The following DSTYK variants were observed in gnomAD, a reference collection of about 807,000 sequenced individuals.
The protein encoded by DSTYK is dual serine/threonine and tyrosine protein kinase, also known as RIP-homologous kinase.
In DSTYK, 34 loss-of-function variants were observed where a neutral mutation model predicts 98.7. That is an observed-to-expected ratio of 0.34 (90% CI 0.26 to 0.46). The LOEUF (loss-of-function observed/expected upper bound fraction) is 0.46. Ranked by LOEUF, DSTYK falls within the 20% of genes least tolerant of loss-of-function variation. The pLI is 1.00. For synonymous variants in DSTYK, 462 were observed against 457.3 expected (o/e 1.01, Z -0.13); for missense variants, 962 against 1,181.7 (o/e 0.81, Z 2.73).
chr1:205,202,153 G>A, intron 1 of DSTYK: 1 of 537,000 alleles, frequency 1.9e-6, no homozygotes, highest in South Asian at 1.4e-5. Flanking sequence ...AAGGGGAAGG[G>A]GCTTCTTCCC....
chr1:205,181,656 TTGTGTGTGTGTGTGTGTGTG>T (rs35775611), intron 2 of DSTYK, among the ~76,000 whole-genome samples: 1 of 142,544 alleles, frequency 7.0e-6, no homozygotes, highest in African/African-American at 2.7e-5. Context: ...ATGTTGGGGT[TTGTGTGTGTGTGTGTGTGTG>T]TGTGTGTGTG....
Position 205,169,119 on chromosome 1 carries a change from G to C in DSTYK, c.1324+44C>G. 1 of 1,481,878 alleles carries C rather than the reference G, an allele frequency of 6.7e-7. No homozygotes were observed. The allele number at this position is 1,481,878 out of a possible 1,614,324, so 91.8% of individuals were successfully genotyped here. On this transcript the variant is annotated intron_variant, in intron 3 of 12. Transcript: ENST00000367162. This position sits in a 1 kb window ranked among gnomAD's most constrained non-coding sequence, Gnocchi z 4.0. ...AATTTCCGGCTAGAAAATGGTTAGA[G>C]ACTCCTCCCGTGCCAGCACCCCAAC...
At chr1:205,183,258 G>C (rs577697784) in intron 2 of DSTYK, among the ~76,000 whole-genome samples, 1 of 152,300 alleles carries the variant, frequency 6.6e-6, no homozygotes, top group Admixed American at 6.5e-5. Flanking sequence ...GACACAACTA[G>C]TGAATATGGT....
Position 205,211,635 on chromosome 1 carries a change from C to CT in DSTYK, c.-101dup. 2 of 1,381,830 alleles carry CT rather than the reference C, an allele frequency of 1.4e-6. No homozygotes were observed. Among genetic ancestry groups the CT allele is most frequent in the Non-Finnish European group, 1.9e-6 (2 of 1,068,280 alleles). The allele number at this position is 1,381,830 out of a possible 1,614,324, so 85.6% of individuals were successfully genotyped here. ...GCCGAAGGGAGGAGGAATCCGCCTC[C>CT]TGACGCCCCCGCCTGCAGTCAGCCT... On this transcript the variant is annotated 5_prime_UTR_variant, in exon 1 of 13. Transcript: ENST00000367162.
In DSTYK at chr1:205,146,502, G is replaced by A. The variant is rs976889087; in HGVS notation, c.*1056C>T. 6.6e-6 allele frequency: 1 copy of A among 151,818 alleles called. No individual in the cohort carries two copies. The highest frequency in any genetic ancestry group is 1.5e-5 in the Non-Finnish European group (1 of 68,000). The allele number at this position is 151,818 out of a possible 1,614,324, so 9.4% of individuals were successfully genotyped here. A position where few individuals can be genotyped will look rare whatever the true frequency, so the allele number is the denominator to read the frequency against. ...TAAATCCAATAACTCCTGTGTGTAT[G>A]TCTATATAGATAGAGATATAGACAC... On this transcript the variant is annotated 3_prime_UTR_variant, in exon 13 of 13. Transcript: ENST00000367162.
In DSTYK at chr1:205,163,738, A is replaced by G. The variant is rs146330673; in HGVS notation, c.1542T>C (p.Ser514=). Residue 514 remains serine, a synonymous_variant, in exon 4 of 13, where the codon AGT becomes AGC. Transcript: ENST00000367162. ...CTTTGTCTACCTGTTTGAGATAATT[A>G]CTGGTGATGTGAACTGAGACATCCT... ...KSQDVSVHIT[S]NYLKQILNAA... The G allele has an allele frequency of 4.6e-4, 741 of 1,613,754 alleles. 6 individuals carry two copies. The East Asian group carries it at 0.011, about 24-fold the overall frequency.
intron 10 of DSTYK, among the ~76,000 whole-genome samples, chr1:205,156,978 T>C (rs1262115130): frequency 1.3e-5 from 2 of 152,164 alleles, no homozygotes; most frequent in Non-Finnish European, 2.9e-5. Context: ...TTACCCCCTT[T>C]TGTTCAGTAC....
chr1:205,163,011 AAG>A lies in DSTYK; in HGVS notation c.1558-7_1558-6del, dbSNP rs1180475487. ...ATGATAGGCAGCATTTAAGATCTGA[AAG>A]AGACAACGCCAAAGAAAACATGTCC... On this transcript the variant is annotated splice_region_variant and splice_polypyrimidine_tract_variant and intron_variant, in intron 4 of 12. Coordinates refer to ENST00000367162, the MANE Select transcript of DSTYK (RefSeq NM_015375.3). 6.2e-7 allele frequency: 1 copy of A among 1,613,162 alleles called. No individual in the cohort carries two copies. Among genetic ancestry groups the A allele is most frequent in the Admixed American group, 1.7e-5 (1 of 60,000 alleles).
chr1:205,199,208 G>A (rs1375984411), intron 1 of DSTYK, among the ~76,000 whole-genome samples: 1 of 152,100 alleles, frequency 6.6e-6, no homozygotes, highest in Non-Finnish European at 1.5e-5. Flanking sequence ...TTATAATAAA[G>A]CCCAACTCCA....
intron 2 of DSTYK, among the ~76,000 whole-genome samples, chr1:205,186,504 G>C (rs927698316): frequency 2.0e-5 from 3 of 152,134 alleles, no homozygotes; most frequent in Admixed American, 6.5e-5. Context: ...TAGATGAAGT[G>C]GTTATAAGAA....
At chr1:205,197,069 A>C (rs1658889182) in intron 1 of DSTYK, among the ~76,000 whole-genome samples, 1 of 151,828 alleles carries the variant, frequency 6.6e-6, no homozygotes, top group Non-Finnish European at 1.5e-5. Flanking sequence ...CTGGCCCTAA[A>C]ACTGGTGAAT....
At chr1:205,200,977 C>A (rs1427016658) in intron 1 of DSTYK, among the ~76,000 whole-genome samples, 2 of 151,940 alleles carry the variant, frequency 1.3e-5, no homozygotes, top group Non-Finnish European at 2.9e-5. Flanking sequence ...GCAATCTTGG[C>A]TCACTGCAAC....
chr1:205,166,370 C>A (rs559574163), intron 3 of DSTYK, among the ~76,000 whole-genome samples: 1 of 151,730 alleles, frequency 6.6e-6, no homozygotes, highest in Admixed American at 6.6e-5. Context: ...TCTGGCTCAA[C>A]GCTGGGCACG....
At chr1:205,184,583 C>T (rs1038920520) in intron 2 of DSTYK, among the ~76,000 whole-genome samples, 1 of 151,918 alleles carries the variant, frequency 6.6e-6, no homozygotes, top group Non-Finnish European at 1.5e-5. Context: ...AAAACACAAA[C>T]AAACAAAAAA....
chr1:205,172,339 G>C (rs1240513708), intron 2 of DSTYK, among the ~76,000 whole-genome samples: 1 of 147,702 alleles, frequency 6.8e-6, no homozygotes, highest in Non-Finnish European at 1.5e-5. Flanking sequence ...TTGTGCTGTT[G>C]CCCAGCCTGG....
intron 2 of DSTYK, among the ~76,000 whole-genome samples, chr1:205,176,597 CTA>C (rs1032855266): frequency 2.7e-5 from 4 of 145,878 alleles, no homozygotes; most frequent in Non-Finnish European, 4.5e-5. Flanking sequence ...TAAAATGACA[CTA>C]TTTTATTTAT....
chr1:205,205,477 A>C (rs1195211400), intron 1 of DSTYK, among the ~76,000 whole-genome samples: 4 of 151,852 alleles, frequency 2.6e-5, no homozygotes, highest in Non-Finnish European at 5.9e-5. Flanking sequence ...ACACAGTCTC[A>C]CTCTATCACC....
At chr1:205,208,335 T>G (rs1180629797) in intron 1 of DSTYK, among the ~76,000 whole-genome samples, 2 of 152,246 alleles carry the variant, frequency 1.3e-5, no homozygotes, top group African/African-American at 4.8e-5. Context: ...TGGTATCATA[T>G]GGCATTACAA....
In DSTYK at chr1:205,150,088, T is replaced by C. The variant is rs562872156; in HGVS notation, c.2467+592A>G. ...CATCGTCACAGAATTAAACAAAATA[T>C]GTGAAAAACCTACCCATACTGCTTA... On this transcript the variant is annotated intron_variant, in intron 11 of 12. Transcript: ENST00000367162. The surrounding 1 kb of genome is among the most constrained non-coding windows in gnomAD (Gnocchi z 4.1). Among the ~76,000 whole-genome samples, 6 of 152,282 alleles carry C rather than the reference T, an allele frequency of 3.9e-5. No homozygotes were observed. In the South Asian group the frequency reaches 1.2e-3, roughly 32 times the overall value.
Sources: gnomAD v4.1 joint callset for allele counts (sites outside exome capture counted in the v4.1 genomes callset) on GRCh38, gnomAD v4.1.1 for gene constraint, Gnocchi (gnomAD v3.1) non-coding constraint, MANE v1.5 for transcripts, NCBI Gene and HGNC (gene_info 2026-07-23, HGNC 2026-07-21) for gene names.